RRM1: variants seen among roughly 807,000 people sequenced by gnomAD.
RRM1 encodes ribonucleotide reductase catalytic subunit M1.
In RRM1, 19 loss-of-function variants were observed where a neutral mutation model predicts 101.5. That is an observed-to-expected ratio of 0.19 (90% confidence interval 0.13 to 0.27). The LOEUF (loss-of-function observed/expected upper bound fraction) is 0.27, where lower values mean the gene tolerates loss of function less well. Ranked by LOEUF, RRM1 falls within the 10% of genes least tolerant of loss-of-function variation. The probability of loss-of-function intolerance (pLI) is 1.00; values close to 1 mark genes in which losing one functional copy is unlikely to be tolerated. For missense variants in RRM1, 500 were observed against 962.9 expected (o/e 0.52, Z 6.36); for synonymous variants, 298 against 323.4 (o/e 0.92, Z 0.84).
intron 1 of RRM1, among the ~76,000 whole-genome samples, chr11:4,095,767 G>A (rs190380736): frequency 8.7e-4 from 132 of 152,176 alleles, no homozygotes; most frequent in Admixed American, 1.5e-3. Context: ...CCAAGTGCCC[G>A]CTTTGTGCCC....
chr11:4,111,850 CCTA>C (rs1341405890), intron 6 of RRM1, 47 bp from the exon 7 acceptor site: 1 of 1,546,858 alleles, frequency 6.5e-7, no homozygotes, highest in Non-Finnish European at 8.8e-7. Flanking sequence ...CGTATCTCAA[CCTA>C]CTTTTTCTGA....
At chr11:4,100,498 G>A (rs1340226035) in intron 1 of RRM1, among the ~76,000 whole-genome samples, 1 of 152,194 alleles carries the variant, frequency 6.6e-6, no homozygotes, top group Non-Finnish European at 1.5e-5. Flanking sequence ...TGAACATTGT[G>A]TTGGCATTGA....
rs770950396 is a variant in RRM1, at chr11:4,135,198, A to G, written c.2118A>G (p.Gln706=). The change falls in exon 18 of 19, where the codon CAA becomes CAG. Residue 706 remains glutamine, a synonymous_variant. Coordinates refer to ENST00000300738, the MANE Select transcript of RRM1 (RefSeq NM_001033.5). ...AERGAFIDQS[Q]SLNIHIAEPN... is the part of the protein sequence containing the mutation. The stretch of plus-strand genomic sequence containing the variant: ...GAGGTGCTTTCATTGATCAAAGCCA[A>G]TCTTTGAACATCCACATTGCTGAGC... 6.2e-6 allele frequency: 10 copies of G among 1,613,694 alleles called. 1 individual carries two copies. Among genetic ancestry groups the G allele is most frequent in the South Asian group, 2.2e-5 (2 of 90,962 alleles).
intron 10 of RRM1, among the ~76,000 whole-genome samples, 171 bp downstream of exon 10, chr11:4,121,936 A>C (rs190373321): frequency 5.3e-4 from 80 of 152,354 alleles, no homozygotes; most frequent in African/African-American, 1.6e-3. Flanking sequence ...TATTCTCTAA[A>C]GTAGATGCTT....
At chr11:4,115,182 G>C (rs550311433) in intron 7 of RRM1, among the ~76,000 whole-genome samples, 1 of 152,040 alleles carries the variant, frequency 6.6e-6, no homozygotes, top group Non-Finnish European at 1.5e-5. Context: ...TCATGTGAAA[G>C]AGCAAAAGAC....
At chr11:4,109,798 G>A in intron 5 of RRM1, 95 bp downstream of exon 5, 4 of 971,748 alleles carry the variant, frequency 4.1e-6, no homozygotes, top group South Asian at 3.3e-5. Flanking sequence ...AAGGCCATAA[G>A]TTGTTTGGAG....
rs778546538 is a variant in RRM1 at position 4,121,575 on chromosome 11, G to A, written c.877-29G>A. 3 of 1,560,050 alleles carry A rather than the reference G, an allele frequency of 1.9e-6. No individual in the cohort carries two copies. In the Admixed American group the frequency reaches 5.7e-5, roughly 30 times the overall value. The stretch of plus-strand genomic sequence containing the variant: ...TGTTTCTTTGTTTCATTTTTATTCT[G>A]AAGAGAATTATGATTTATTTACCAC... On this transcript the variant is annotated intron_variant, in intron 9 of 18. Coordinates refer to ENST00000300738, the MANE Select transcript of RRM1 (RefSeq NM_001033.5).
intron 7 of RRM1, among the ~76,000 whole-genome samples, chr11:4,113,924 C>T (rs538680592): frequency 2.0e-5 from 3 of 151,916 alleles, no homozygotes; most frequent in Middle Eastern, 3.4e-3. Context: ...CTCAGGAGTT[C>T]GAAACCAGCC....
Position 4,133,599 on chromosome 11 carries a change from C to A in RRM1, c.1942C>A (p.Arg648=). 1 of 1,611,040 alleles carries A rather than the reference C, an allele frequency of 6.2e-7. No homozygotes were observed. Among genetic ancestry groups the A allele is most frequent in the Non-Finnish European group, 8.5e-7 (1 of 1,178,050 alleles). ...NPHLLKDLTE[R]GLWHEEMKNQ... ...TCACTTATTGAAAGATCTTACCGAG[C>A]GGGGCCTATGGCATGAAGAGATGAA... Residue 648 remains arginine (R), a synonymous_variant, in exon 17 of 19, where the codon CGG becomes AGG. Coordinates refer to ENST00000300738, the MANE Select transcript of RRM1 (RefSeq NM_001033.5).
Position 4,120,094 on chromosome 11 carries a change from A to G in RRM1, c.876+166A>G, listed in dbSNP as rs72555782. 964 of 524,174 alleles carry G rather than the reference A, an allele frequency of 1.8e-3. 18 individuals are homozygous for G. In the East Asian group the frequency reaches 0.025, roughly 14 times the overall value. 32.5% of individuals were successfully genotyped at this position (524,174 alleles called of 1,614,324 possible). The stretch of plus-strand genomic sequence containing the variant: ...TAATATGCATATACTTTAAATGTAC[A>G]GTTTGATGGGTTTTGACAAATGTAT... On this transcript the variant is annotated intron_variant, in intron 9 of 18. Coordinates refer to ENST00000300738, the MANE Select transcript of RRM1 (RefSeq NM_001033.5).
At chr11:4,122,926 T>C (rs1231314718) in intron 11 of RRM1, among the ~76,000 whole-genome samples, 7 of 152,064 alleles carry the variant, frequency 4.6e-5, no homozygotes, top group Non-Finnish European at 7.4e-5. Flanking sequence ...TTGGCTTCCT[T>C]AGTTTTTACT....
intron 9 of RRM1, among the ~76,000 whole-genome samples, chr11:4,120,891 C>T (rs890616925): frequency 7.2e-5 from 11 of 152,202 alleles, no homozygotes; most frequent in South Asian, 2.1e-4. Context: ...TGGTGGCGAA[C>T]GCCTGTAGTT....
chr11:4,114,552 A>C (rs1489785367), intron 7 of RRM1, among the ~76,000 whole-genome samples: 4 of 144,522 alleles, frequency 2.8e-5, no homozygotes, highest in Non-Finnish European at 6.1e-5. Context: ...CTCTATCTTA[A>C]AAAAAAAAAA....
chr11:4,124,896 CT>C (rs2094587103), intron 12 of RRM1, among the ~76,000 whole-genome samples: 1 of 149,238 alleles, frequency 6.7e-6, no homozygotes, highest in South Asian at 2.1e-4. Context: ...TTACCACTAT[CT>C]AATTGTAGTA....
intron 4 of RRM1, among the ~76,000 whole-genome samples, chr11:4,108,231 C>A (rs950239891): frequency 3.3e-5 from 5 of 152,148 alleles, no homozygotes; most frequent in African/African-American, 1.2e-4. Context: ...TGTAGCCTAG[C>A]CAGCCCTTTT....
Position 4,135,088 on chromosome 11 carries a change from C to G in RRM1, c.2008C>G (p.Pro670Ala). 6.2e-7 allele frequency: 1 copy of G among 1,608,062 alleles called. No individual in the cohort carries two copies. The highest frequency in any genetic ancestry group is 8.5e-7 in the Non-Finnish European group (1 of 1,176,188). Residue 670 changes from proline to alanine, a missense_variant, in exon 18 of 19, where the codon CCA (proline) becomes GCA (alanine). By Grantham distance (27) the Pro-to-Ala change is conservative. Transcript: ENST00000300738. ...TTGGGTTTTCCTTCTTTAGAGCATA[C>G]CAGAAATTCCTGATGACCTGAAGCA... ...IACNGSIQSI[P>A]EIPDDLKQLY...
intron 7 of RRM1, among the ~76,000 whole-genome samples, chr11:4,115,073 T>TGGA (rs2094570946): frequency 6.6e-6 from 1 of 152,152 alleles, no homozygotes; most frequent in African/African-American, 2.4e-5. Flanking sequence ...AATAAATAAA[T>TGGA]GGAATAGATT....
chr11:4,112,786 A>T (rs1181979018), intron 7 of RRM1, among the ~76,000 whole-genome samples: 4 of 152,170 alleles, frequency 2.6e-5, no homozygotes, highest in Non-Finnish European at 5.9e-5. Flanking sequence ...GAAAGTAGAA[A>T]TTGACAGAAG....
intron 7 of RRM1, among the ~76,000 whole-genome samples, chr11:4,115,012 T>C (rs1481516089): frequency 1.3e-5 from 2 of 152,128 alleles, no homozygotes; most frequent in Non-Finnish European, 2.9e-5. Flanking sequence ...CATGCCCGGT[T>C]TTTTAAGTTT....
Sources: gnomAD v4.1 joint callset for allele counts (sites outside exome capture counted in the v4.1 genomes callset) on GRCh38, gnomAD v4.1.1 for gene constraint, MANE v1.5 for transcripts, NCBI Gene and HGNC (gene_info 2026-07-23, HGNC 2026-07-21) for gene names.